RSRC1: variants seen among roughly 807,000 people sequenced by gnomAD.
RSRC1 encodes arginine and serine rich coiled-coil 1.
In RSRC1, 39 loss-of-function variants were observed where a neutral mutation model predicts 49.1. That is an observed-to-expected ratio of 0.79 (90% CI 0.61 to 1.04). RSRC1 has a LOEUF of 1.04. Among genes scored for constraint, RSRC1 ranks in the 50% least tolerant of loss-of-function variants. The probability of loss-of-function intolerance (pLI) is 0.00; values close to 1 mark genes in which losing one functional copy is unlikely to be tolerated. For missense variants in RSRC1, 388 were observed against 402.4 expected, an observed-to-expected ratio of 0.96 and a Z score of 0.31; for synonymous variants, 143 against 130.8, an observed-to-expected ratio of 1.09 and a Z score of -0.63.
chr3:158,410,372 A>G (rs777053742), intron 6 of RSRC1, among the ~76,000 whole-genome samples: 2 of 152,168 alleles, frequency 1.3e-5, no homozygotes, highest in Non-Finnish European at 2.9e-5. Flanking sequence ...GTTTCAGCTT[A>G]AACTTTATAT....
At chr3:158,221,378 T>C (rs1185127286) in intron 4 of RSRC1, among the ~76,000 whole-genome samples, 2 of 151,460 alleles carry the variant, frequency 1.3e-5, no homozygotes, top group Non-Finnish European at 3.0e-5. Flanking sequence ...AAAGATGGAT[T>C]TCTCATCCAT....
chr3:158,422,237 C>T (rs1402531237), intron 6 of RSRC1, among the ~76,000 whole-genome samples: 1 of 123,402 alleles, frequency 8.1e-6, no homozygotes, highest in African/African-American at 3.0e-5. Context: ...CCCCCCACCC[C>T]ACAACAGTCA....
chr3:158,461,863 C>G (rs1050514791), intron 7 of RSRC1, among the ~76,000 whole-genome samples: 3 of 151,612 alleles, frequency 2.0e-5, no homozygotes, highest in Non-Finnish European at 1.5e-5. Flanking sequence ...TTAGTAGGTA[C>G]CTGTGTTTTA....
intron 5 of RSRC1, among the ~76,000 whole-genome samples, chr3:158,337,301 A>G (rs1268429832): frequency 6.6e-6 from 1 of 152,120 alleles, no homozygotes; most frequent in Non-Finnish European, 1.5e-5. Context: ...TTCCAACTAA[A>G]ATCAGTCTCA....
intron 3 of RSRC1, among the ~76,000 whole-genome samples, chr3:158,178,621 T>C (rs1719396638): frequency 6.6e-6 from 1 of 152,208 alleles, no homozygotes; most frequent in Non-Finnish European, 1.5e-5. Flanking sequence ...TCCACTGTTT[T>C]TCTGGCTATT....
chr3:158,236,915 T>C (rs996545625), intron 4 of RSRC1, among the ~76,000 whole-genome samples: 12 of 152,116 alleles, frequency 7.9e-5, no homozygotes, highest in Admixed American at 5.2e-4. Context: ...CAGTCTCTGA[T>C]TGGTGAATGA....
chr3:158,271,714 A>C (rs1057429773), intron 4 of RSRC1, among the ~76,000 whole-genome samples: 1 of 152,158 alleles, frequency 6.6e-6, no homozygotes, highest in African/African-American at 2.4e-5. Flanking sequence ...CATTATAAAG[A>C]TAACATCTAG....
At chr3:158,139,490 C>T (rs575824942) in intron 3 of RSRC1, among the ~76,000 whole-genome samples, 2 of 152,184 alleles carry the variant, frequency 1.3e-5, no homozygotes, top group Admixed American at 6.5e-5. Context: ...GCAGATAGTA[C>T]CATACGAAAC....
chr3:158,412,566 GA>G (rs759923933), intron 6 of RSRC1, among the ~76,000 whole-genome samples: 4 of 152,002 alleles, frequency 2.6e-5, no homozygotes, highest in Non-Finnish European at 2.9e-5. Context: ...AATGAGTGTA[GA>G]GGGGCATTCA....
intron 1 of RSRC1, among the ~76,000 whole-genome samples, chr3:158,118,462 T>TGTGCGCGCGCGCGC (rs1491469875): frequency 1.6e-5 from 2 of 124,682 alleles, no homozygotes; most frequent in Admixed American, 7.9e-5. Context: ...TGTGTGTGTG[T>TGTGCGCGCGCGCGC]GCGCGTGCGC....
chr3:158,365,743 G>A (rs879801458), intron 6 of RSRC1, among the ~76,000 whole-genome samples: 19 of 152,012 alleles, frequency 1.2e-4, no homozygotes, highest in Non-Finnish European at 2.1e-4. Flanking sequence ...ACAATGGTTG[G>A]ATTAATTTAC....
At chr3:158,118,413 C>CTGTGTGTGTGTGTGTGTG (rs57257889) in intron 1 of RSRC1, among the ~76,000 whole-genome samples, 16 of 90,134 alleles carry the variant, frequency 1.8e-4, no homozygotes, top group East Asian at 1.0e-3. Flanking sequence ...ACCTGGCCTT[C>CTGTGTGTGTGTGTGTGTG]TGTGTGTGTG....
chr3:158,217,319 G>A (rs982079365), intron 4 of RSRC1, among the ~76,000 whole-genome samples: 10 of 151,666 alleles, frequency 6.6e-5, no homozygotes, highest in African/African-American at 1.7e-4. Context: ...GGGTTCTAGC[G>A]TTGGCTCTTC....
intron 4 of RSRC1, among the ~76,000 whole-genome samples, chr3:158,264,510 G>C (rs899869659): frequency 2.0e-5 from 3 of 152,028 alleles, no homozygotes; most frequent in Non-Finnish European, 4.4e-5. Flanking sequence ...TTCTCTAAGT[G>C]TCAATTGGGT....
chr3:158,446,607 A>G (rs972985192), intron 6 of RSRC1, among the ~76,000 whole-genome samples: 2 of 151,926 alleles, frequency 1.3e-5, no homozygotes, highest in East Asian at 3.9e-4. Context: ...ATTTTATAAT[A>G]ATTATTTTCA....
intron 3 of RSRC1, among the ~76,000 whole-genome samples, chr3:158,146,822 A>C (rs1250803480): frequency 6.6e-6 from 1 of 152,138 alleles, no homozygotes; most frequent in Non-Finnish European, 1.5e-5. Context: ...TTATTGGTCT[A>C]TTCAGAGATT....
intron 7 of RSRC1, among the ~76,000 whole-genome samples, chr3:158,529,711 T>A (rs1027210772): frequency 1.3e-5 from 2 of 151,976 alleles, no homozygotes; most frequent in African/African-American, 4.8e-5. Context: ...ATATCGATGA[T>A]GAAAACAAAA....
At chr3:158,470,359 C>CATATATAT (rs1219686437) in intron 7 of RSRC1, among the ~76,000 whole-genome samples, 22 of 93,286 alleles carry the variant, frequency 2.4e-4, no homozygotes, top group African/African-American at 7.6e-4. Context: ...CACACACACA[C>CATATATAT]ACATATATAT....
chr3:158,448,649 C>T (rs78191446), intron 6 of RSRC1, among the ~76,000 whole-genome samples: 4,463 of 151,986 alleles, frequency 0.029, 118 homozygotes, highest in Non-Finnish European at 0.045. Context: ...ATACTGCATA[C>T]AGCTGAATTA....
Sources: gnomAD v4.1 joint callset for allele counts (sites outside exome capture counted in the v4.1 genomes callset) on GRCh38, gnomAD v4.1.1 for gene constraint, MANE v1.5 for transcripts, NCBI Gene and HGNC (gene_info 2026-07-23, HGNC 2026-07-21) for gene names.